Variants in CYP4Z1 observed in about 807,000 individuals in gnomAD.
CYP4Z1 encodes the protein cytochrome P450 family 4 subfamily Z member 1, also known as cytochrome P450 4Z1.
Under a neutral mutation model 54.2 loss-of-function variants are expected in CYP4Z1, and 41 were observed. That is an observed-to-expected ratio of 0.76 (90% confidence interval 0.59 to 0.98). CYP4Z1 has a LOEUF of 0.98. Among genes scored for constraint, CYP4Z1 ranks in the 50% least tolerant of loss-of-function variants. CYP4Z1 has a pLI of 0.00. For missense variants in CYP4Z1, 513 were observed against 599.0 expected (o/e 0.86, Z 1.50); for synonymous variants, 163 against 206.2 (o/e 0.79, Z 1.79).
intron 2 of CYP4Z1, among the ~76,000 whole-genome samples, chr1:47,076,844 C>CAAAAACAAAAAAAAAAAAAAAAAAAAAA (rs1644526987): frequency 1.2e-5 from 1 of 81,430 alleles, no homozygotes; most frequent in Non-Finnish European, 2.4e-5. Flanking sequence ...GACGCTGTCT[C>CAAAAACAAAAAAAAAAAAAAAAAAAAAA]AAAAAAAAAA....
At chr1:47,072,868 T>C (rs868457352) in intron 2 of CYP4Z1, among the ~76,000 whole-genome samples, 7 of 151,566 alleles carry the variant, frequency 4.6e-5, no homozygotes, top group African/African-American at 1.5e-4. Context: ...TGACCATATA[T>C]AGGGGCTATT....
At chr1:47,066,612 T>G (rs1464608424), upstream of CYP4Z1, among the ~76,000 whole-genome samples, 1 of 152,182 alleles carries the variant, frequency 6.6e-6, no homozygotes, top group Admixed American at 6.5e-5. Flanking sequence ...AAGAGAAGGA[T>G]GCCCACTTTC....
the CYP4Z1 span, among the ~76,000 whole-genome samples, chr1:47,055,940 G>A: frequency 5.3e-5 from 8 of 152,056 alleles, no homozygotes; most frequent in Admixed American, 6.6e-5. Flanking sequence ...TCTGATCTTA[G>A]TTGTTTCTTG....
intron 6 of CYP4Z1, among the ~76,000 whole-genome samples, chr1:47,088,401 A>C (rs1413171373): frequency 1.3e-5 from 2 of 152,022 alleles, no homozygotes; most frequent in African/African-American, 2.4e-5. Flanking sequence ...CAGAGATTCA[A>C]CTTCTTCCTG....
At chr1:47,113,075 A>T (rs1278175679) in intron 9 of CYP4Z1, among the ~76,000 whole-genome samples, 1 of 152,014 alleles carries the variant, frequency 6.6e-6, no homozygotes, top group African/African-American at 2.4e-5. Context: ...TCAACCTAAA[A>T]TCCTTAGCAT....
intron 9 of CYP4Z1, among the ~76,000 whole-genome samples, chr1:47,113,556 A>T (rs1428773539): frequency 6.6e-6 from 1 of 152,234 alleles, no homozygotes; most frequent in African/African-American, 2.4e-5. Context: ...TTATGATTGT[A>T]GAATTCTTTC....
intron 1 of CYP4Z1, among the ~76,000 whole-genome samples, 176 bp from the exon 2 acceptor site, chr1:47,068,446 G>A (rs1644466559): frequency 6.6e-6 from 1 of 152,174 alleles, no homozygotes; most frequent in Admixed American, 6.5e-5. Context: ...GGGCCACGAA[G>A]ATTCTGTGGA....
chr1:47,099,227 A>G lies in CYP4Z1; in HGVS notation c.1010A>G (p.Gln337Arg), dbSNP rs781259201. 2 of 1,613,834 alleles carry G rather than the reference A, an allele frequency of 1.2e-6. No homozygotes were observed. The highest frequency in any genetic ancestry group is 1.7e-6 in the Non-Finnish European group (2 of 1,179,956). ...LYCLAKYPEHQQRCRDEIREL... is the reference protein window; with the variant it reads ...LYCLAKYPEHRQRCRDEIREL... ...TGCTTGGCAAAGTACCCTGAGCATC[A>G]GCAGAGATGCCGAGATGAAATCAGG... Residue 337 changes from glutamine (Q) to arginine (R), a missense_variant, in exon 8 of 12, where the codon CAG becomes CGG. By Grantham distance (43) the Gln-to-Arg change is conservative (BLOSUM62 1). Coordinates refer to ENST00000334194, the MANE Select transcript of CYP4Z1 (RefSeq NM_178134.3).
intron 7 of CYP4Z1, among the ~76,000 whole-genome samples, chr1:47,095,900 C>G (rs1230863458): frequency 6.6e-6 from 1 of 152,060 alleles, no homozygotes; most frequent in Non-Finnish European, 1.5e-5. Flanking sequence ...TTTGAGGGAA[C>G]AAAAATAAAC....
intron 6 of CYP4Z1, among the ~76,000 whole-genome samples, chr1:47,086,556 G>T (rs1166466282): frequency 6.6e-6 from 1 of 152,102 alleles, no homozygotes; most frequent in Non-Finnish European, 1.5e-5. Context: ...TTTTTTTCTT[G>T]TAAATTTGTT....
chr1:47,069,293 G>A (rs1222203717), intron 2 of CYP4Z1, among the ~76,000 whole-genome samples: 1 of 152,250 alleles, frequency 6.6e-6, no homozygotes, highest in African/African-American at 2.4e-5. Context: ...GTGGCAAGAT[G>A]TGTGTAGGAT....
intron 9 of CYP4Z1, among the ~76,000 whole-genome samples, chr1:47,111,849 A>T (rs1644794037): frequency 6.6e-6 from 1 of 152,206 alleles, no homozygotes; most frequent in Admixed American, 6.5e-5. Context: ...ATTCATCTGG[A>T]GTTTTTTGTT....
intron 9 of CYP4Z1, among the ~76,000 whole-genome samples, chr1:47,107,128 G>T (rs2148540246): frequency 6.6e-6 from 1 of 152,236 alleles, no homozygotes; most frequent in South Asian, 2.1e-4. Flanking sequence ...AAACTATTTA[G>T]TACTTACTAG....
Position 47,118,159 on chromosome 1 carries a change from C to T in CYP4Z1, c.*225C>T, listed in dbSNP as rs1243394029. 7.3e-5 allele frequency: 31 copies of T among 427,114 alleles called. No homozygotes were observed. The highest frequency in any genetic ancestry group is 9.0e-5 in the Non-Finnish European group (22 of 243,250). The allele number at this position is 427,114 out of a possible 1,614,324, so 26.5% of individuals were successfully genotyped here. On this transcript the variant is annotated 3_prime_UTR_variant, in exon 12 of 12. Coordinates refer to ENST00000334194, the MANE Select transcript of CYP4Z1 (RefSeq NM_178134.3). Reference sequence around the variant, plus strand: ...AAAAAACTCAAGCTGACTTCCACTGCGAAGGGAAATTATTGGTTTGTGTAA... The same window carrying T: ...AAAAAACTCAAGCTGACTTCCACTGTGAAGGGAAATTATTGGTTTGTGTAA...
the CYP4Z1 span, among the ~76,000 whole-genome samples, chr1:47,055,971 G>T: frequency 2.6e-5 from 4 of 152,032 alleles, no homozygotes; most frequent in African/African-American, 9.7e-5. Context: ...GCTTTTGAAT[G>T]TGTTTGCTCT....
intron 8 of CYP4Z1, among the ~76,000 whole-genome samples, chr1:47,102,176 T>C (rs575428288): frequency 3.9e-5 from 6 of 152,310 alleles, no homozygotes; most frequent in African/African-American, 1.2e-4. Flanking sequence ...ATACAGCATA[T>C]AGTTGGGTCA....
intron 9 of CYP4Z1, among the ~76,000 whole-genome samples, chr1:47,106,780 C>G (rs1255542440): frequency 2.0e-5 from 3 of 152,108 alleles, no homozygotes; most frequent in Non-Finnish European, 4.4e-5. Context: ...TGTGTTCAGT[C>G]TTTCTCAATC....
intron 7 of CYP4Z1, 30 bp downstream of exon 7, chr1:47,094,699 G>A (rs3117714): frequency 6.1e-5 from 93 of 1,536,156 alleles, no homozygotes; most frequent in African/African-American, 9.7e-5. Flanking sequence ...GAACACATTC[G>A]ACTCAATAAT....
At chr1:47,109,159 A>G (rs1205139920) in intron 9 of CYP4Z1, among the ~76,000 whole-genome samples, 1 of 152,340 alleles carries the variant, frequency 6.6e-6, no homozygotes. Context: ...TGAAATGCAA[A>G]AAGAAATAAT....
Sources: gnomAD v4.1 joint callset for allele counts (sites outside exome capture counted in the v4.1 genomes callset) on GRCh38, gnomAD v4.1.1 for gene constraint, MANE v1.5 for transcripts, NCBI Gene and HGNC (gene_info 2026-07-23, HGNC 2026-07-21) for gene names.